The following TTK variants were observed in gnomAD, a reference collection of about 807,000 sequenced individuals.
TTK encodes TTK protein kinase, also known as dual specificity protein kinase TTK.
A neutral mutation model predicts 117.3 loss-of-function variants in TTK; 59 were observed. That is an observed-to-expected ratio of 0.50 (90% CI 0.41 to 0.62). The LOEUF (loss-of-function observed/expected upper bound fraction) is 0.62. Ranked by LOEUF, TTK falls within the 20% of genes least tolerant of loss-of-function variation. The probability of loss-of-function intolerance (pLI) is 0.00; values close to 1 mark genes in which losing one functional copy is unlikely to be tolerated. For missense variants in TTK, 921 were observed against 989.4 expected, an observed-to-expected ratio of 0.93 and a Z score of 0.93; for synonymous variants, 302 against 325.0, an observed-to-expected ratio of 0.93 and a Z score of 0.76.
Position 80,022,572 on chromosome 6 carries a change from A to G in TTK, c.1257+100A>G, listed in dbSNP as rs993270086. ...TGTTTTCTTTTATTAAATGTGTATG[A>G]TATTTAGTAGAATAGTTTATTTAAA... is the stretch of plus-strand genomic sequence containing the variant. On this transcript the variant is annotated intron_variant, in intron 11 of 21. Coordinates refer to ENST00000369798, the MANE Select transcript of TTK (RefSeq NM_003318.5). 7.9e-7 allele frequency: 1 copy of G among 1,270,380 alleles called. No homozygotes were observed. Among genetic ancestry groups the G allele is most frequent in the Non-Finnish European group, 1.1e-6 (1 of 936,672 alleles). 78.7% of individuals were successfully genotyped at this position (1,270,380 alleles called of 1,614,324 possible).
intron 18 of TTK, among the ~76,000 whole-genome samples, chr6:80,038,694 C>T (rs1304806039): frequency 6.6e-6 from 1 of 152,040 alleles, no homozygotes; most frequent in African/African-American, 2.4e-5. Flanking sequence ...GAAAATCTGG[C>T]TTGTAAGTGT....
chr6:80,040,254 C>T lies in TTK; in HGVS notation c.2366C>T (p.Pro789Leu). 5 of 1,590,542 alleles carry T rather than the reference C, an allele frequency of 3.1e-6. No homozygotes were observed. Among genetic ancestry groups the T allele is most frequent in the Non-Finnish European group, 4.3e-6 (5 of 1,169,478 alleles). ...RISIPELLAH[P>L]YVQIQTHPVN... ...TCCATTCCTGAGCTCCTGGCTCATC[C>T]ATATGTTCAAATTCAAACTCATCCA... The change falls in exon 20 of 22, where the codon CCA (proline) becomes CTA (leucine). Residue 789 changes from proline (P) to leucine (L), a missense_variant. Coordinates refer to ENST00000369798, the MANE Select transcript of TTK (RefSeq NM_003318.5).
chr6:80,008,359 A>G, intron 3 of TTK, 27 bp from the exon 4 acceptor site: 1 of 1,591,496 alleles, frequency 6.3e-7, no homozygotes. Context: ...CTTTTTCTTA[A>G]ATTTTGACTC....
chr6:80,013,259 T>G lies in TTK; in HGVS notation c.897-20T>G. 1 of 1,566,138 alleles carries G rather than the reference T, an allele frequency of 6.4e-7. No individual in the cohort carries two copies. Among genetic ancestry groups the G allele is most frequent in the African/African-American group, 1.4e-5 (1 of 71,790 alleles). On this transcript the variant is annotated intron_variant, in intron 8 of 21. Coordinates refer to ENST00000369798, the MANE Select transcript of TTK (RefSeq NM_003318.5). ...TTTTTCAAATTTAATGTTAAAATTA[T>G]TTTGTTTCACGGGTAAAAGACAAAC...
intron 14 of TTK, 134 bp from the exon 15 acceptor site, chr6:80,034,851 G>A (rs1767852303): frequency 1.4e-6 from 1 of 702,670 alleles, no homozygotes; most frequent in Non-Finnish European, 2.1e-6. Flanking sequence ...CTCAAAATAG[G>A]CCCAGAAACT....
In TTK at chr6:80,014,519, A is replaced by G. The variant is rs1767252530; in HGVS notation, c.1041A>G (p.Glu347=). ...EPLVSDEKSS[E]LIITDSITLK... ...TGGTGTCAGATGAAAAGAGTTCTGA[A>G]CTTATTATTACTGATTCAATAACCC... Residue 347 remains glutamate, a synonymous_variant, in exon 10 of 22, where the codon GAA becomes GAG. Transcript: ENST00000369798. 1 of 1,610,346 alleles carries G rather than the reference A, an allele frequency of 6.2e-7. No homozygotes were observed. The highest frequency in any genetic ancestry group is 8.5e-7 in the Non-Finnish European group (1 of 1,177,982).
chr6:80,007,519 C>T (rs1767024238), intron 2 of TTK, among the ~76,000 whole-genome samples: 1 of 151,990 alleles, frequency 6.6e-6, no homozygotes, highest in Admixed American at 6.6e-5. Context: ...TTTTCTTAAA[C>T]TACATACAAT....
chr6:80,028,380 C>T (rs374703606), intron 13 of TTK, among the ~76,000 whole-genome samples: 10 of 151,904 alleles, frequency 6.6e-5, no homozygotes, highest in African/African-American at 9.7e-5. Context: ...TGCAGTGGCG[C>T]GATCTCGGGT....
chr6:80,016,985 G>C (rs1442579244), intron 10 of TTK, among the ~76,000 whole-genome samples: 1 of 152,212 alleles, frequency 6.6e-6, no homozygotes, highest in East Asian at 1.9e-4. Flanking sequence ...CAAAAAGCAA[G>C]TGTTGTCTCC....
chr6:80,004,867 G>A (rs1766945267), intron 1 of TTK, 154 bp downstream of exon 1: 1 of 152,116 alleles, frequency 6.6e-6, no homozygotes, highest in South Asian at 2.1e-4. Context: ...GAGGGGGAGG[G>A]GATGTCTCAC....
At position 80,013,279 on chromosome 6, in the gene TTK, A is replaced by G; in HGVS notation, c.897A>G (p.Arg299=). 1 of 1,587,494 alleles carries G rather than the reference A, an allele frequency of 6.3e-7. No individual in the cohort carries two copies. Among genetic ancestry groups the G allele is most frequent in the Non-Finnish European group, 8.5e-7 (1 of 1,171,732 alleles). The change falls in exon 9 of 22, where the codon AGA becomes AGG. Residue 299 remains arginine (R), a splice_region_variant and synonymous_variant. Transcript: ENST00000369798. ...DDSVVPCFMK[R]QTSRSECRDL... ...AATTATTTTGTTTCACGGGTAAAAG[A>G]CAAACCTCTAGATCAGAATGCCGAG...
intron 4 of TTK, 50 bp downstream of exon 4, chr6:80,008,542 C>T: frequency 4.1e-6 from 6 of 1,468,262 alleles, no homozygotes; most frequent in Non-Finnish European, 5.6e-6. Flanking sequence ...TAACTTATTA[C>T]AACTTACTTC....
intron 2 of TTK, among the ~76,000 whole-genome samples, chr6:80,007,060 A>G (rs968458969): frequency 6.6e-6 from 1 of 152,138 alleles, no homozygotes; most frequent in Admixed American, 6.5e-5. Flanking sequence ...GAAAGTAAAA[A>G]GTACATTTCA....
At chr6:80,020,480 A>G (rs1460094500) in intron 10 of TTK, among the ~76,000 whole-genome samples, 1 of 152,244 alleles carries the variant, frequency 6.6e-6, no homozygotes, top group Admixed American at 6.5e-5. Flanking sequence ...CATTCAAAGC[A>G]GGCAGAAAAG....
rs780512943 is a variant in TTK at position 80,011,385 on chromosome 6, ACTTGT to A, written c.614-45_614-41del. ...CTTATTTGTAAGATCACTTTTTTGT[ACTTGT>A]CTTATTTCTTATAAATTTAATCATA... On this transcript the variant is annotated intron_variant, in intron 5 of 21. Transcript: ENST00000369798. The A allele has an allele frequency of 1.0e-5, 13 of 1,275,776 alleles. No homozygotes were observed. In the South Asian group the frequency reaches 1.0e-4, roughly 10 times the overall value. The allele number at this position is 1,275,776 out of a possible 1,614,324, so 79.0% of individuals were successfully genotyped here.
intron 9 of TTK, among the ~76,000 whole-genome samples, chr6:80,013,879 A>C (rs911106932): frequency 6.6e-6 from 1 of 152,080 alleles, no homozygotes; most frequent in Non-Finnish European, 1.5e-5. Context: ...TGGTTATACT[A>C]TTATTATAAT....
In TTK at chr6:80,035,076, G is replaced by A. The variant is rs201042481; in HGVS notation, c.1706G>A (p.Arg569Gln). 1.9e-5 allele frequency: 31 copies of A among 1,603,610 alleles called. No individual in the cohort carries two copies. Among genetic ancestry groups the A allele is most frequent in the African/African-American group, 9.4e-5 (7 of 74,370 alleles). Reference sequence around the variant, plus strand: ...GATAACCAAACTCTTGATAGTTACCGGAACGAAATAGCTTATTTGAATAAA... The same window carrying A: ...GATAACCAAACTCTTGATAGTTACCAGAACGAAATAGCTTATTTGAATAAA... ...EADNQTLDSY[R>Q]NEIAYLNKLQ... is the part of the protein sequence containing the mutation. The change falls in exon 15 of 22, where the codon CGG becomes CAG. Residue 569 changes from arginine to glutamine, a missense_variant. Coordinates refer to ENST00000369798, the MANE Select transcript of TTK (RefSeq NM_003318.5).
chr6:80,011,956 CAGTTG>C lies in TTK; in HGVS notation c.873_877del (p.Val292ThrfsTer10). On this transcript the variant is annotated frameshift_variant, in exon 8 of 22. Coordinates refer to ENST00000369798, the MANE Select transcript of TTK (RefSeq NM_003318.5). LOFTEE classifies it high-confidence loss of function. ...GATTGTGATGTGAAGACAGATGATTCAGTTGTACCTTGTTTTATGAAAAGGTATGT... is the reference window on the plus strand; with the variant it reads ...GATTGTGATGTGAAGACAGATGATTCTACCTTGTTTTATGAAAAGGTATGT... 6.2e-7 allele frequency: 1 copy of C among 1,610,926 alleles called. No individual in the cohort carries two copies. The highest frequency in any genetic ancestry group is 8.5e-7 in the Non-Finnish European group (1 of 1,178,758).
At chr6:80,015,572 C>CA (rs1467740962) in intron 10 of TTK, among the ~76,000 whole-genome samples, 2 of 152,030 alleles carry the variant, frequency 1.3e-5, no homozygotes, top group Non-Finnish European at 2.9e-5. Context: ...CGGGGACACA[C>CA]ACAAAAAAAC....
Sources: allele counts gnomAD v4.1 joint callset (sites outside exome capture counted in the v4.1 genomes callset), GRCh38; gene constraint gnomAD v4.1.1; transcripts MANE v1.5; gene names NCBI Gene and HGNC (gene_info 2026-07-23, HGNC 2026-07-21).